RRM2: variants seen among roughly 807,000 people sequenced by gnomAD.
The protein encoded by RRM2 is ribonucleoside-diphosphate reductase subunit M2.
In RRM2, 6 loss-of-function variants were observed where a neutral mutation model predicts 45.9. The ratio of observed to expected loss-of-function variants is 0.13; its 90% CI spans 0.07 to 0.26. RRM2 has a LOEUF of 0.26. Ranked by LOEUF, RRM2 falls within the 10% of genes least tolerant of loss-of-function variation. The pLI is 1.00. For synonymous variants in RRM2, 177 were observed against 173.0 expected (o/e 1.02, Z -0.18); for missense variants, 343 against 489.5 (o/e 0.70, Z 2.82).
At chr2:10,164,795 C>G (rs1344343069) in intron 3 of RRM2, among the ~76,000 whole-genome samples, 2 of 152,188 alleles carry the variant, frequency 1.3e-5, no homozygotes, top group Non-Finnish European at 2.9e-5. Context: ...CCCACTGCCC[C>G]TCCCTGGTCC....
intron 3 of RRM2, among the ~76,000 whole-genome samples, chr2:10,146,553 C>G (rs1663190867): frequency 6.6e-6 from 1 of 152,208 alleles, no homozygotes; most frequent in South Asian, 2.1e-4. Context: ...CTTCTGGGGG[C>G]TGCTAGCCCC....
chr2:10,201,136 A>C (rs1334419960), intron 3 of RRM2, among the ~76,000 whole-genome samples: 1 of 149,214 alleles, frequency 6.7e-6, no homozygotes, highest in African/African-American at 2.4e-5. Context: ...GGAACAGAGC[A>C]AGATTCCATC....
chr2:10,187,331 A>G (rs1204887037), intron 3 of RRM2, among the ~76,000 whole-genome samples: 5 of 152,030 alleles, frequency 3.3e-5, no homozygotes, highest in Non-Finnish European at 5.9e-5. Context: ...CCTCCTTCCT[A>G]CCTCTGCCAC....
chr2:10,154,147 G>A (rs1274632916), intron 3 of RRM2, among the ~76,000 whole-genome samples: 1 of 152,154 alleles, frequency 6.6e-6, no homozygotes, highest in African/African-American at 2.4e-5. Context: ...ACTGAAGTAT[G>A]GACCATCAGC....
At chr2:10,183,173 A>C (rs1179644894) in intron 3 of RRM2, among the ~76,000 whole-genome samples, 1 of 152,200 alleles carries the variant, frequency 6.6e-6, no homozygotes, top group East Asian at 1.9e-4. Context: ...TCTGTCTCTA[A>C]AACAAAACAA....
At chr2:10,155,371 G>C (rs1663401961) in intron 3 of RRM2, among the ~76,000 whole-genome samples, 1 of 152,188 alleles carries the variant, frequency 6.6e-6, no homozygotes, top group Admixed American at 6.5e-5. Context: ...ATGCCCTTTT[G>C]CTGTGGACAG....
Position 10,174,728 on chromosome 2 carries a change from G to C in RRM2, n.482+32353G>C, listed in dbSNP as rs745967372. Reference sequence around the variant, plus strand: ...CAAAAAATTTAAAACTTAGCCAGGCGTGGTGGCACATGCCTGTAATTTCAG... The same window carrying C: ...CAAAAAATTTAAAACTTAGCCAGGCCTGGTGGCACATGCCTGTAATTTCAG... On this transcript the variant is annotated intron_variant and non_coding_transcript_variant, in intron 3 of 3. Coordinates refer to the RRM2 transcript ENST00000381786. 2.0e-5 allele frequency among the ~76,000 whole-genome samples: 3 copies of C among 152,092 alleles called. No individual in the cohort carries two copies. In the South Asian group the frequency reaches 6.2e-4, roughly 31 times the overall value.
intron 2 of RRM2, chr2:10,142,093 A>G: frequency 1.3e-6 from 2 of 1,576,300 alleles, no homozygotes; most frequent in Non-Finnish European, 1.7e-6. Flanking sequence ...GGAGGAAAGC[A>G]TGTTTCAGGC....
intron 3 of RRM2, among the ~76,000 whole-genome samples, chr2:10,210,120 CCCT>C (rs1246932220): frequency 2.6e-5 from 4 of 152,202 alleles, no homozygotes; most frequent in African/African-American, 9.6e-5. Flanking sequence ...TTGGCCCCAG[CCCT>C]CCTCCCTGTG....
At chr2:10,200,610 A>G (rs868595255) in intron 3 of RRM2, among the ~76,000 whole-genome samples, 26 of 57,494 alleles carry the variant, frequency 4.5e-4, no homozygotes, top group South Asian at 1.7e-3. Context: ...TGAGGCCCAC[A>G]GGGACCGCGC....
intron 3 of RRM2, among the ~76,000 whole-genome samples, chr2:10,193,553 C>T (rs1664353991): frequency 6.6e-6 from 1 of 152,256 alleles, no homozygotes; most frequent in African/African-American, 2.4e-5. Context: ...AGGAGCCTGT[C>T]CTGCTCAGGG....
At chr2:10,153,955 A>C (rs529355122) in intron 3 of RRM2, among the ~76,000 whole-genome samples, 1 of 152,330 alleles carries the variant, frequency 6.6e-6, no homozygotes, top group East Asian at 1.9e-4. Flanking sequence ...CTGGAAAAGA[A>C]ATTGTTGATG....
chr2:10,124,923 C>T (rs1662748868), intron 5 of RRM2, 73 bp downstream of exon 5: 1 of 1,405,482 alleles, frequency 7.1e-7, no homozygotes, highest in African/African-American at 1.4e-5. Flanking sequence ...TTTTAGTTCA[C>T]CTAGGGATAA....
At chr2:10,209,892 C>G (rs894531301) in intron 3 of RRM2, among the ~76,000 whole-genome samples, 1 of 152,190 alleles carries the variant, frequency 6.6e-6, no homozygotes, top group Non-Finnish European at 1.5e-5. Flanking sequence ...GCTGCCATCA[C>G]CCCTTTTATC....
chr2:10,137,903 C>T (rs1663018614), upstream of RRM2, among the ~76,000 whole-genome samples: 1 of 152,212 alleles, frequency 6.6e-6, no homozygotes, highest in African/African-American at 2.4e-5. Context: ...TCTGGCCTTC[C>T]TCTGGACTGA....
chr2:10,129,271 A>G lies in RRM2; in HGVS notation c.1055A>G (p.Asn352Ser). The change falls in exon 10 of 10, where the codon AAT becomes AGT. Residue 352 changes from asparagine to serine, a missense_variant. Physicochemically the swap from Asn to Ser is conservative, Grantham distance 46 (BLOSUM62 1). Coordinates refer to ENST00000304567, the MANE Select transcript of RRM2 (RefSeq NM_001034.4). This position sits in a 1 kb window ranked among gnomAD's most constrained non-coding sequence, Gnocchi z 4.8. ...GAGAACCCATTTGACTTTATGGAGA[A>G]TATTTCACTGGAAGGAAAGACTAAC... ...RVENPFDFME[N>S]ISLEGKTNFF... 1.9e-6 allele frequency: 3 copies of G among 1,614,152 alleles called. No individual in the cohort carries two copies. The highest frequency in any genetic ancestry group is 2.5e-6 in the Non-Finnish European group (3 of 1,180,010).
Position 10,128,903 on chromosome 2 carries a change from C to T in RRM2, c.854C>T (p.Ser285Leu), listed in dbSNP as rs745343301. 25 of 1,613,910 alleles carry T rather than the reference C, an allele frequency of 1.5e-5. No homozygotes were observed. The highest frequency in any genetic ancestry group is 1.5e-4 in the African/African-American group (11 of 74,888). The change falls in exon 8 of 10, where the codon TCG (serine) becomes TTG (leucine). Residue 285 changes from serine to leucine, a missense_variant. Ser to Leu is a moderately radical substitution (Grantham distance 145, BLOSUM62 -2). Coordinates refer to ENST00000304567, the MANE Select transcript of RRM2 (RefSeq NM_001034.4). ...TTCAAACACCTGGTACACAAACCATCGGAGGAGAGAGTAAGAGAAATAATT... is the reference window on the plus strand; with the variant it reads ...TTCAAACACCTGGTACACAAACCATTGGAGGAGAGAGTAAGAGAAATAATT... ...LMFKHLVHKP[S>L]EERVREIIIN...
intron 3 of RRM2, among the ~76,000 whole-genome samples, chr2:10,150,445 CAA>C (rs564823462): frequency 0.011 from 946 of 84,382 alleles, 11 homozygotes; most frequent in African/African-American, 0.034. Flanking sequence ...GACTCTGCCT[CAA>C]AAAAAAAAAA....
rs891806284 is a variant in RRM2, at chr2:10,201,504, G to C, written n.483-8807G>C. On this transcript the variant is annotated intron_variant and non_coding_transcript_variant, in intron 3 of 3. Transcript: ENST00000381786. Reference sequence around the variant, plus strand: ...TTCCAGCTCTTCAAGAGTCCTGAACGTCCTTCCTCTATTCTGATGTCACAA... The same window carrying C: ...TTCCAGCTCTTCAAGAGTCCTGAACCTCCTTCCTCTATTCTGATGTCACAA... Among the ~76,000 whole-genome samples, 3 of 152,184 alleles carry C rather than the reference G, an allele frequency of 2.0e-5. No individual in the cohort carries two copies. The South Asian group carries it at 6.2e-4, about 32-fold the overall frequency.
Sources: allele counts gnomAD v4.1 joint callset (sites outside exome capture counted in the v4.1 genomes callset), GRCh38; gene constraint gnomAD v4.1.1; non-coding constraint Gnocchi (gnomAD v3.1); transcripts MANE v1.5; gene names NCBI Gene and HGNC (gene_info 2026-07-23, HGNC 2026-07-21).